Variants in TMEM72 observed in about 807,000 individuals in gnomAD.
TMEM72 encodes transmembrane protein 72.
In TMEM72, 9 loss-of-function variants were observed where a neutral mutation model predicts 16.3. The ratio of observed to expected loss-of-function variants is 0.55; its 90% confidence interval spans 0.33 to 0.96. The LOEUF (loss-of-function observed/expected upper bound fraction) is 0.96. TMEM72 is among the 40% of genes least tolerant of loss of function. The pLI is 0.03. For synonymous variants in TMEM72, 160 were observed against 146.5 expected (o/e 1.09, Z -0.66); for missense variants, 324 against 337.8 (o/e 0.96, Z 0.32).
At chr10:44,933,964 G>A (rs1479551465) in intron 4 of TMEM72, among the ~76,000 whole-genome samples, 188 bp downstream of exon 4, 2 of 152,154 alleles carry the variant, frequency 1.3e-5, no homozygotes, top group African/African-American at 4.8e-5. Context: ...CTGATCAAAT[G>A]GCAGGAATGT....
chr10:44,933,282 G>A (rs943042970), intron 3 of TMEM72, among the ~76,000 whole-genome samples: 3 of 152,248 alleles, frequency 2.0e-5, no homozygotes, highest in African/African-American at 7.2e-5. Context: ...GTCCCAGGCA[G>A]GTGGCTCCCA....
intron 1 of TMEM72, among the ~76,000 whole-genome samples, chr10:44,924,135 T>C (rs1293870379): frequency 1.3e-5 from 2 of 152,110 alleles, no homozygotes; most frequent in Admixed American, 1.3e-4. Context: ...CAGAGCCCAA[T>C]ATTTAAGAAC....
At chr10:44,913,870 C>T (rs1398717660) in intron 1 of TMEM72, among the ~76,000 whole-genome samples, 1 of 152,130 alleles carries the variant, frequency 6.6e-6, no homozygotes, top group East Asian at 1.9e-4. Context: ...GAAATAAGAC[C>T]GGAAATAGAG....
chr10:44,932,821 C>A (rs1462427574), intron 3 of TMEM72, among the ~76,000 whole-genome samples: 2 of 152,158 alleles, frequency 1.3e-5, no homozygotes, highest in African/African-American at 4.8e-5. Context: ...AGGAATGGAC[C>A]CTGGATGGAC....
At chr10:44,922,427 CTGTG>C (rs941786989) in intron 1 of TMEM72, among the ~76,000 whole-genome samples, 13 of 152,222 alleles carry the variant, frequency 8.5e-5, no homozygotes, top group Admixed American at 8.5e-4. Flanking sequence ...ACTCCAGGCC[CTGTG>C]TGAAAACACT....
chr10:44,927,126 G>A (rs1840208588), intron 1 of TMEM72, among the ~76,000 whole-genome samples: 1 of 152,188 alleles, frequency 6.6e-6, no homozygotes, highest in South Asian at 2.1e-4. Flanking sequence ...AACAGGGTCA[G>A]CATTGTAATC....
rs778249385 is a variant in TMEM72 at position 44,935,159 on chromosome 10, C to T, written c.*25C>T. The stretch of plus-strand genomic sequence containing the variant: ...AGCGCTTGCTCCAGCCTGGAGGACG[C>T]TCAGTGAGGGGTCTACCTAGCTCAA... On this transcript the variant is annotated 3_prime_UTR_variant, in exon 5 of 5. Transcript: ENST00000389583. 6.5e-7 allele frequency: 1 copy of T among 1,542,060 alleles called. No individual in the cohort carries two copies. Among genetic ancestry groups the T allele is most frequent in the East Asian group, 2.3e-5 (1 of 44,260 alleles).
At chr10:44,928,646 C>T (rs1351668341) in intron 2 of TMEM72, among the ~76,000 whole-genome samples, 1 of 104,028 alleles carries the variant, frequency 9.6e-6, no homozygotes, top group Non-Finnish European at 2.1e-5. Flanking sequence ...ATCCATCCAA[C>T]TACCCATACA....
At chr10:44,915,341 C>G (rs1839998172) in intron 1 of TMEM72, among the ~76,000 whole-genome samples, 1 of 151,490 alleles carries the variant, frequency 6.6e-6, no homozygotes, top group South Asian at 2.1e-4. Flanking sequence ...ATTTTAAATG[C>G]AGTATCGCAT....
rs1395452694 is a variant in TMEM72, at chr10:44,936,171, G to C, written c.*1037G>C. ...GAATCAGATATTCCTTTGTAAATCTGTAAAGGATTTGCAATATAGGCTTTA... is the reference window on the plus strand; with the variant it reads ...GAATCAGATATTCCTTTGTAAATCTCTAAAGGATTTGCAATATAGGCTTTA... On this transcript the variant is annotated 3_prime_UTR_variant, in exon 5 of 5. Coordinates refer to ENST00000389583, the MANE Select transcript of TMEM72 (RefSeq NM_001123376.3). 1 of 152,240 alleles carries C rather than the reference G, an allele frequency of 6.6e-6. No individual in the cohort carries two copies. The highest frequency in any genetic ancestry group is 1.5e-5 in the Non-Finnish European group (1 of 68,044). The allele number at this position is 152,240 out of a possible 1,614,324, so 9.4% of individuals were successfully genotyped here. A position where few individuals can be genotyped will look rare whatever the true frequency, so the allele number is the denominator to read the frequency against.
chr10:44,928,014 T>C (rs1198245621), intron 2 of TMEM72, 27 bp downstream of exon 2: 1 of 1,611,756 alleles, frequency 6.2e-7, no homozygotes, highest in Admixed American at 1.7e-5. Context: ...GTGCCACTTT[T>C]GACCTGCAAG....
chr10:44,929,880 G>A (rs973483342), intron 2 of TMEM72, among the ~76,000 whole-genome samples: 2 of 152,234 alleles, frequency 1.3e-5, no homozygotes, highest in Non-Finnish European at 2.9e-5. Flanking sequence ...CCTGGCAATT[G>A]TGCCCTGAGC....
At chr10:44,934,504 A>T in intron 4 of TMEM72, 152 bp from the exon 5 acceptor site, 1 of 685,230 alleles carries the variant, frequency 1.5e-6, no homozygotes, top group African/African-American at 1.8e-5. Flanking sequence ...GTGGGGTGTG[A>T]GGACAAGCCA....
At chr10:44,931,172 AC>A (rs1302771235) in intron 2 of TMEM72, among the ~76,000 whole-genome samples, 1 of 152,208 alleles carries the variant, frequency 6.6e-6, no homozygotes, top group Non-Finnish European at 1.5e-5. Flanking sequence ...GGAAAAGCTC[AC>A]TTGTGCAAAA....
rs112582679 is a variant in TMEM72, at chr10:44,928,873, C to T, written c.137+886C>T. Among the ~76,000 whole-genome samples, 109 of 152,300 alleles carry T rather than the reference C, an allele frequency of 7.2e-4. 1 individual carries two copies. The highest frequency in any genetic ancestry group is 2.4e-3 in the African/African-American group (100 of 41,568). Reference sequence around the variant, plus strand: ...ACTCATCCATACACCCACCCATCCACGCATCTCATCAATCATTTATTTATT... The same window carrying T: ...ACTCATCCATACACCCACCCATCCATGCATCTCATCAATCATTTATTTATT... On this transcript the variant is annotated intron_variant, in intron 2 of 4. Coordinates refer to ENST00000389583, the MANE Select transcript of TMEM72 (RefSeq NM_001123376.3).
chr10:44,925,780 C>T (rs561341055), intron 1 of TMEM72, among the ~76,000 whole-genome samples: 14 of 152,312 alleles, frequency 9.2e-5, no homozygotes, highest in Middle Eastern at 3.4e-3. Context: ...AACAAGAGTA[C>T]CTTCTCATAG....
In TMEM72 at chr10:44,935,979, C is replaced by T. The variant is rs954124553; in HGVS notation, c.*845C>T. The T allele has an allele frequency of 6.6e-6, 1 of 152,120 alleles. No individual in the cohort carries two copies. Among genetic ancestry groups the T allele is most frequent in the Non-Finnish European group, 1.5e-5 (1 of 68,058 alleles). 9.4% of individuals were successfully genotyped at this position (152,120 alleles called of 1,614,324 possible). A position where few individuals can be genotyped will look rare whatever the true frequency, so the allele number is the denominator to read the frequency against. ...GAAGTGTCAGTGCCGTGTTTAGGCA[C>T]TTGGTAGCAGAATAGGTGATAAATA... On this transcript the variant is annotated 3_prime_UTR_variant, in exon 5 of 5. Coordinates refer to ENST00000389583, the MANE Select transcript of TMEM72 (RefSeq NM_001123376.3).
At chr10:44,921,851 C>T (rs1486682396) in intron 1 of TMEM72, among the ~76,000 whole-genome samples, 1 of 152,252 alleles carries the variant, frequency 6.6e-6, no homozygotes, top group Non-Finnish European at 1.5e-5. Flanking sequence ...GAAGGGCCTA[C>T]ACTGCGCCTG....
At chr10:44,920,841 G>A (rs1840084827) in intron 1 of TMEM72, among the ~76,000 whole-genome samples, 1 of 152,216 alleles carries the variant, frequency 6.6e-6, no homozygotes, top group South Asian at 2.1e-4. Context: ...TCACTTTCCT[G>A]AGGATGCAGG....
Sources: gnomAD v4.1 joint callset for allele counts (sites outside exome capture counted in the v4.1 genomes callset) on GRCh38, gnomAD v4.1.1 for gene constraint, MANE v1.5 for transcripts, NCBI Gene and HGNC (gene_info 2026-07-23, HGNC 2026-07-21) for gene names.